The following MAP2K3 variants were observed in gnomAD, a reference collection of about 807,000 sequenced individuals.
MAP2K3 encodes the protein mitogen-activated protein kinase kinase 3.
MAP2K3 carries 30 observed loss-of-function variants against 46.4 expected under a neutral mutation model. That is an observed-to-expected ratio of 0.65 (90% CI 0.48 to 0.88). The LOEUF (loss-of-function observed/expected upper bound fraction) is 0.88, where lower values mean the gene tolerates loss of function less well. MAP2K3 is among the 40% of genes least tolerant of loss of function. The pLI is 0.00. For synonymous variants in MAP2K3, 189 were observed against 176.3 expected, an observed-to-expected ratio of 1.07 and a Z score of -0.57; for missense variants, 380 against 464.5, an observed-to-expected ratio of 0.82 and a Z score of 1.67.
At chr17:21,303,557 A>C (rs921536103) in intron 7 of MAP2K3, among the ~76,000 whole-genome samples, 1 of 152,302 alleles carries the variant, frequency 6.6e-6, no homozygotes, top group Admixed American at 6.5e-5. Context: ...CCTCCCTCCA[A>C]GATGCAGGAC....
At chr17:21,302,282 CGG>C (rs33939330) in intron 6 of MAP2K3, 23 bp downstream of exon 6, 16 of 84,600 alleles carry the variant, frequency 1.9e-4, no homozygotes, top group Middle Eastern at 5.6e-3. Flanking sequence ...GGTGGGCTGG[CGG>C]GGGGTCCTAG....
chr17:21,311,875 G>A (rs1358879649), intron 9 of MAP2K3: 9 of 350,486 alleles, frequency 2.6e-5, no homozygotes, highest in Admixed American at 4.8e-5. Flanking sequence ...CAGGTTTTCT[G>A]AAAACCCTAT....
intron 5 of MAP2K3, 65 bp downstream of exon 5, chr17:21,301,058 T>C (rs1483144812): frequency 6.2e-7 from 1 of 1,611,898 alleles, no homozygotes; most frequent in Non-Finnish European, 8.5e-7. Flanking sequence ...TGCAACCCAC[T>C]GTCACTCAGT....
At chr17:21,307,887 ACT>A (rs1671629364) in intron 9 of MAP2K3, among the ~76,000 whole-genome samples, 2 of 124,578 alleles carry the variant, frequency 1.6e-5, no homozygotes, top group East Asian at 2.3e-4. Context: ...ACGGAGTTGC[ACT>A]CTGTTGCCTA....
chr17:21,307,172 C>G (rs973539182), intron 9 of MAP2K3, among the ~76,000 whole-genome samples: 2 of 152,298 alleles, frequency 1.3e-5, no homozygotes, highest in African/African-American at 4.8e-5. Context: ...CCTCTATAAT[C>G]AGCTGGGTTT....
At chr17:21,309,982 C>CTGTTTTTTTTGTTTTT (rs1273710582) in intron 9 of MAP2K3, among the ~76,000 whole-genome samples, 13 of 151,278 alleles carry the variant, frequency 8.6e-5, no homozygotes, top group African/African-American at 2.9e-4. Flanking sequence ...CTCTCTCTCT[C>CTGTTTTTTTTGTTTTT]TGTTTTTTTT....
At chr17:21,304,979 A>G in intron 8 of MAP2K3, 72 bp from the exon 9 acceptor site, 2 of 1,568,278 alleles carry the variant, frequency 1.3e-6, no homozygotes, top group South Asian at 2.2e-5. Flanking sequence ...CAGTTTGGGG[A>G]TTGGGAGGCA....
chr17:21,301,215 G>A (rs1296464114), intron 5 of MAP2K3, among the ~76,000 whole-genome samples: 4 of 152,304 alleles, frequency 2.6e-5, no homozygotes, highest in Non-Finnish European at 4.4e-5. Flanking sequence ...AAGTTGACAC[G>A]GAAGGTAAAC....
At chr17:21,286,369 G>T (rs1237188377) in intron 1 of MAP2K3, among the ~76,000 whole-genome samples, 1 of 152,258 alleles carries the variant, frequency 6.6e-6, no homozygotes, top group African/African-American at 2.4e-5. Context: ...GTTCTGGAGG[G>T]TGCAGGCCAA....
chr17:21,296,227 C>T (rs1976241968), intron 1 of MAP2K3: 1 of 1,281,130 alleles, frequency 7.8e-7, no homozygotes, highest in Non-Finnish European at 1.0e-6. Context: ...GGCATTTCTG[C>T]CTCGAGCTGT....
At chr17:21,300,403 C>G in intron 3 of MAP2K3, 142 bp from the exon 4 acceptor site, 1 of 838,164 alleles carries the variant, frequency 1.2e-6, no homozygotes, top group South Asian at 1.6e-5. Flanking sequence ...GAGGGTCACA[C>G]AGCAGGGAGC....
At chr17:21,287,106 G>A (rs950519599) in intron 1 of MAP2K3, among the ~76,000 whole-genome samples, 4 of 152,214 alleles carry the variant, frequency 2.6e-5, no homozygotes, top group African/African-American at 7.2e-5. Context: ...GGCCTTCCCC[G>A]TGCTCCCCTA....
chr17:21,312,090 G>C (rs1224416545), intron 9 of MAP2K3, 52 bp from the exon 10 acceptor site: 2 of 1,472,410 alleles, frequency 1.4e-6, no homozygotes, highest in Admixed American at 5.5e-5. Context: ...CCTGGGTGCA[G>C]AGCGTGGTTG....
intron 3 of MAP2K3, among the ~76,000 whole-genome samples, chr17:21,300,101 C>A (rs1370055266): frequency 6.6e-6 from 1 of 152,310 alleles, no homozygotes; most frequent in African/African-American, 2.4e-5. Context: ...CTTTTTGTGT[C>A]CCTCCCAAGA....
At chr17:21,299,058 G>C in intron 3 of MAP2K3, 132 bp downstream of exon 3, 2 of 1,263,624 alleles carry the variant, frequency 1.6e-6, no homozygotes, top group Non-Finnish European at 2.3e-6. Context: ...GAAGAGCCTC[G>C]TCCTGCGCTG....
chr17:21,306,296 C>G (rs377433194), intron 9 of MAP2K3, among the ~76,000 whole-genome samples: 3,487 of 152,296 alleles, frequency 0.023, 55 homozygotes, highest in Non-Finnish European at 0.033. Context: ...GAATGGCTCA[C>G]AAAACTCAGG....
At chr17:21,285,247 C>G in intron 1 of MAP2K3, 1 of 985,328 alleles carries the variant, frequency 1.0e-6, no homozygotes, top group Non-Finnish European at 1.2e-6. Context: ...AAGTCAGGAG[C>G]CTCATTCTGA....
intron 1 of MAP2K3, chr17:21,291,568 G>A (rs1159711312): frequency 8.8e-6 from 4 of 456,420 alleles, no homozygotes; most frequent in African/African-American, 8.0e-5. Context: ...TTCTTCTGAT[G>A]CTCTGGGAGG....
chr17:21,304,855 G>A (rs1293930916), intron 8 of MAP2K3, among the ~76,000 whole-genome samples, 196 bp from the exon 9 acceptor site: 1 of 152,308 alleles, frequency 6.6e-6, no homozygotes, highest in African/African-American at 2.4e-5. Flanking sequence ...TTAGGGGCCT[G>A]CTCCCGGGTA....
Sources: gnomAD v4.1 joint callset for allele counts (sites outside exome capture counted in the v4.1 genomes callset) on GRCh38, gnomAD v4.1.1 for gene constraint, MANE v1.5 for transcripts, NCBI Gene and HGNC (gene_info 2026-07-23, HGNC 2026-07-21) for gene names.